BPIFB4: variants seen among roughly 807,000 people sequenced by gnomAD.
BPIFB4 encodes the protein BPI fold containing family B member 4.
BPIFB4 carries 62 observed loss-of-function variants against 69.2 expected under a neutral mutation model. The ratio of observed to expected loss-of-function variants is 0.90; its 90% CI spans 0.73 to 1.11. BPIFB4 has a LOEUF of 1.11. BPIFB4 is among the 50% of genes least tolerant of loss of function. The pLI, the probability that BPIFB4 is intolerant of heterozygous loss-of-function variation, is 0.00. For missense variants in BPIFB4, 789 were observed against 792.0 expected (o/e 1.00, Z 0.04); for synonymous variants, 330 against 332.7 (o/e 0.99, Z 0.09).
At chr20:33,095,268 C>T (rs1012484414) in intron 12 of BPIFB4, 115 bp downstream of exon 12, 5 of 1,157,608 alleles carry the variant, frequency 4.3e-6, no homozygotes, top group Non-Finnish European at 5.2e-6. Context: ...CCCCGAACCC[C>T]TGCTTGGGAG....
intron 16 of BPIFB4, among the ~76,000 whole-genome samples, chr20:33,105,534 T>G (rs1168326386): frequency 2.6e-5 from 4 of 152,178 alleles, no homozygotes; most frequent in Non-Finnish European, 4.4e-5. Flanking sequence ...GGCTGCTTGT[T>G]GAACTATGGG....
At chr20:33,099,381 C>T (rs1442738711) in intron 13 of BPIFB4, among the ~76,000 whole-genome samples, 3 of 152,138 alleles carry the variant, frequency 2.0e-5, no homozygotes, top group Non-Finnish European at 4.4e-5. Context: ...AATCTGTCCT[C>T]CATCAATCAG....
In BPIFB4 at chr20:33,083,472, CCAA is replaced by C. The variant is rs763242293; in HGVS notation, c.277_279del (p.Asn93del). The C allele has an allele frequency of 9.0e-5, 145 of 1,613,744 alleles. No individual in the cohort carries two copies. The highest frequency in any genetic ancestry group is 1.2e-4 in the Non-Finnish European group (137 of 1,179,968). ...ATTTACCAGTATGGTCACATTGAGA[CCAA>C]CGACAACACTGCTCAGCTGGGGGGC... On this transcript the variant is annotated inframe_deletion, in exon 5 of 18. Coordinates refer to ENST00000375483, the MANE Select transcript of BPIFB4 (RefSeq NM_182519.3).
rs933732743 is a variant in BPIFB4, at chr20:33,097,899, A to C, written c.1569+112A>C. On this transcript the variant is annotated intron_variant, in intron 13 of 17. Coordinates refer to ENST00000375483, the MANE Select transcript of BPIFB4 (RefSeq NM_182519.3). ...CCCCTCAATCTCCACCATCATGACT[A>C]TGGGCCCAACTTTGGGGCCAGAGGC... 84 of 1,201,268 alleles carry C rather than the reference A, an allele frequency of 7.0e-5. No individual in the cohort carries two copies. The African/African-American group carries it at 1.2e-3, about 17-fold the overall frequency. The allele number at this position is 1,201,268 out of a possible 1,614,324, so 74.4% of individuals were successfully genotyped here. A position where few individuals can be genotyped will look rare whatever the true frequency, so the allele number is the denominator to read the frequency against.
Position 33,089,541 on chromosome 20 carries a change from A to G in BPIFB4, c.1034A>G (p.Gln345Arg). ...VDVVLGLVND[Q>R]LGLVDSLIPL... The stretch of plus-strand genomic sequence containing the variant: ...GTGGTGCTGGGTCTTGTCAATGACC[A>G]GCTGGGCCTCGTGGATTGTAAGTCC... The change falls in exon 9 of 18, where the codon CAG (glutamine) becomes CGG (arginine). Residue 345 changes from glutamine (Q) to arginine (R), a missense_variant. This residue lies in a region of BPIFB4 where 611 missense variants were observed against 575.4 expected (regional missense o/e 1.06). Transcript: ENST00000375483. The G allele has an allele frequency of 6.2e-7, 1 of 1,614,244 alleles. No individual in the cohort carries two copies. The highest frequency in any genetic ancestry group is 8.5e-7 in the Non-Finnish European group (1 of 1,180,030).
At chr20:33,106,658 G>A (rs999482302) in intron 16 of BPIFB4, among the ~76,000 whole-genome samples, 2 of 152,022 alleles carry the variant, frequency 1.3e-5, no homozygotes, top group African/African-American at 2.4e-5. Flanking sequence ...TTGCCTTCAG[G>A]GAACTCACAA....
intron 17 of BPIFB4, among the ~76,000 whole-genome samples, chr20:33,108,824 TG>T (rs1463171157): frequency 6.6e-6 from 1 of 152,230 alleles, no homozygotes. Context: ...AACATCTCAA[TG>T]CATAAACTGT....
chr20:33,108,424 T>TATATATATATATATATATATAC (rs1982137504), intron 17 of BPIFB4, among the ~76,000 whole-genome samples: 2 of 46,770 alleles, frequency 4.3e-5, no homozygotes, highest in African/African-American at 1.7e-4. Flanking sequence ...TATATATGTC[T>TATATATATATATATATATATAC]ATATATATAT....
At chr20:33,107,622 C>T (rs1331583594) in intron 16 of BPIFB4, 122 bp from the exon 17 acceptor site, 8 of 697,964 alleles carry the variant, frequency 1.1e-5, no homozygotes, top group South Asian at 4.8e-5. Flanking sequence ...GGCAACAGAG[C>T]GAGACTCTGT....
intron 17 of BPIFB4, among the ~76,000 whole-genome samples, chr20:33,108,423 CTA>C (rs756747954): frequency 2.1e-4 from 26 of 125,676 alleles, no homozygotes; most frequent in African/African-American, 6.1e-4. Flanking sequence ...ATATATATGT[CTA>C]TATATATATA....
At chr20:33,105,839 A>G (rs1982034047) in intron 16 of BPIFB4, among the ~76,000 whole-genome samples, 1 of 152,182 alleles carries the variant, frequency 6.6e-6, no homozygotes. Flanking sequence ...CTGGGAGGGA[A>G]GAGACGGAGC....
At chr20:33,100,530 TG>T in intron 14 of BPIFB4, 37 bp downstream of exon 14, 1 of 1,569,118 alleles carries the variant, frequency 6.4e-7, no homozygotes. Context: ...CTGACGGTGC[TG>T]GTGCTGCTCA....
At chr20:33,100,896 C>G (rs1411996710) in intron 14 of BPIFB4, among the ~76,000 whole-genome samples, 1 of 135,512 alleles carries the variant, frequency 7.4e-6, no homozygotes, top group African/African-American at 2.7e-5. Flanking sequence ...ACGTGTAGTC[C>G]TAGAAAAAAT....
intron 9 of BPIFB4, among the ~76,000 whole-genome samples, chr20:33,089,951 G>A (rs79787922): frequency 0.033 from 5,029 of 152,316 alleles, 139 homozygotes; most frequent in African/African-American, 0.079. Flanking sequence ...TCACAGAGGG[G>A]TTGGAGAGTG....
chr20:33,094,140 G>A (rs964928742), intron 11 of BPIFB4, among the ~76,000 whole-genome samples: 24 of 152,232 alleles, frequency 1.6e-4, no homozygotes, highest in African/African-American at 5.3e-4. Context: ...CTTGGTGTCC[G>A]TATATAGTTA....
In BPIFB4 at chr20:33,083,703, G is replaced by A; in HGVS notation, c.506G>A (p.Gly169Asp). Residue 169 changes from glycine to aspartate, a missense_variant, in exon 5 of 18, where the codon GGT (glycine) becomes GAT (aspartate). Transcript: ENST00000375483. ...GTTGCCACTGGGGCGGTGGGCCCAG[G>A]TGGTTTGCTGGGCACTGGAGGCATG... ...PGVATGAVGP[G>D]GLLGTGGMLA... The A allele has an allele frequency of 6.2e-7, 1 of 1,614,042 alleles. No homozygotes were observed. Among genetic ancestry groups the A allele is most frequent in the Non-Finnish European group, 8.5e-7 (1 of 1,179,974 alleles).
intron 6 of BPIFB4, among the ~76,000 whole-genome samples, chr20:33,085,223 G>A (rs565493982): frequency 6.6e-6 from 1 of 152,318 alleles, no homozygotes; most frequent in Non-Finnish European, 1.5e-5. Flanking sequence ...GGGAAGCCGA[G>A]GCAGGCAGAT....
At chr20:33,110,464 T>C (rs979878625) in intron 17 of BPIFB4, among the ~76,000 whole-genome samples, 1 of 152,190 alleles carries the variant, frequency 6.6e-6, no homozygotes, top group Non-Finnish European at 1.5e-5. Context: ...ACTGTAAAAT[T>C]ACTATTTTTC....
At chr20:33,088,896 C>G in intron 7 of BPIFB4, 70 bp from the exon 8 acceptor site, 2 of 1,607,500 alleles carry the variant, frequency 1.2e-6, no homozygotes, top group Admixed American at 3.4e-5. Context: ...TAGTGACCCA[C>G]AGGGTGGACA....
Sources: gnomAD v4.1 joint callset for allele counts (sites outside exome capture counted in the v4.1 genomes callset) on GRCh38, gnomAD v4.1.1 for gene constraint, gnomAD v4.1.1 regional missense constraint, MANE v1.5 for transcripts, NCBI Gene and HGNC (gene_info 2026-07-23, HGNC 2026-07-21) for gene names.